Variants in CCDC122 observed in about 807,000 individuals in gnomAD.
The protein encoded by CCDC122 is coiled-coil domain containing 122.
CCDC122 carries 38 observed loss-of-function variants against 37.0 expected under a neutral mutation model. That is an observed-to-expected ratio of 1.03 (90% CI 0.79 to 1.35). The LOEUF (loss-of-function observed/expected upper bound fraction) is 1.35. Among genes scored for constraint, CCDC122 ranks in the 40% most tolerant of loss-of-function variants. The pLI, the probability that CCDC122 is intolerant of heterozygous loss-of-function variation, is 0.00. For missense variants in CCDC122, 305 were observed against 310.0 expected, an observed-to-expected ratio of 0.98 and a Z score of 0.12; for synonymous variants, 83 against 95.6, an observed-to-expected ratio of 0.87 and a Z score of 0.77.
At chr13:43,831,034 G>C (rs1953084358) in intron 3 of CCDC122, among the ~76,000 whole-genome samples, 1 of 152,168 alleles carries the variant, frequency 6.6e-6, no homozygotes, top group African/African-American at 2.4e-5. Flanking sequence ...TGGAAGGTTA[G>C]AATAAGGATG....
At chr13:43,856,696 GGA>G (rs1377515051) in intron 6 of CCDC122, 2 of 152,110 alleles carry the variant, frequency 1.3e-5, no homozygotes, top group Non-Finnish European at 2.9e-5. Context: ...CTTTGTTGCA[GGA>G]TATCTGACAA....
intron 3 of CCDC122, among the ~76,000 whole-genome samples, chr13:43,828,125 T>C (rs1403578242): frequency 1.3e-5 from 2 of 152,312 alleles, no homozygotes; most frequent in Middle Eastern, 6.8e-3. Context: ...TCTGACTTTT[T>C]AGAAGAGGCA....
At chr13:43,873,183 A>T (rs1954501577) in intron 2 of CCDC122, among the ~76,000 whole-genome samples, 2 of 152,004 alleles carry the variant, frequency 1.3e-5, no homozygotes, top group Non-Finnish European at 2.9e-5. Context: ...CTTATTCTAC[A>T]TGTGATGCCA....
At chr13:43,839,339 T>C (rs1656582253) in intron 6 of CCDC122, among the ~76,000 whole-genome samples, 1 of 152,242 alleles carries the variant, frequency 6.6e-6, no homozygotes, top group African/African-American at 2.4e-5. Context: ...AATGGAATTG[T>C]ACAATAGGTG....
At chr13:43,860,955 A>G (rs993467414) in intron 4 of CCDC122, among the ~76,000 whole-genome samples, 3 of 152,202 alleles carry the variant, frequency 2.0e-5, no homozygotes, top group Non-Finnish European at 4.4e-5. Context: ...ACAAAACCTC[A>G]GTAGCATACA....
intron 6 of CCDC122, among the ~76,000 whole-genome samples, chr13:43,840,088 C>T (rs965115849): frequency 4.6e-5 from 7 of 152,156 alleles, no homozygotes; most frequent in Admixed American, 2.6e-4. Context: ...CAACACTCAG[C>T]TGTTGTTACA....
downstream of CCDC122, among the ~76,000 whole-genome samples, chr13:43,821,297 C>T (rs1328899451): frequency 6.6e-6 from 1 of 152,178 alleles, no homozygotes; most frequent in Non-Finnish European, 1.5e-5. Flanking sequence ...AATCTTGGCT[C>T]ACTGCAACCT....
chr13:43,857,000 T>G (rs987700839), intron 6 of CCDC122, among the ~76,000 whole-genome samples: 1 of 152,232 alleles, frequency 6.6e-6, no homozygotes, highest in Non-Finnish European at 1.5e-5. Context: ...AAAGTGCTTT[T>G]AGCAATTTAC....
chr13:43,836,101 C>A (rs1051015399), downstream of CCDC122, among the ~76,000 whole-genome samples: 3 of 152,192 alleles, frequency 2.0e-5, no homozygotes, highest in Non-Finnish European at 4.4e-5. Context: ...TTTTTTGATG[C>A]TGTTTGAAAT....
chr13:43,865,434 G>GA (rs1954246290), intron 4 of CCDC122, among the ~76,000 whole-genome samples: 2 of 151,926 alleles, frequency 1.3e-5, no homozygotes, highest in Admixed American at 1.3e-4. Context: ...CTGAAACCAT[G>GA]GACAGTACTG....
intron 3 of CCDC122, among the ~76,000 whole-genome samples, chr13:43,825,193 C>T (rs1594808576): frequency 6.6e-6 from 1 of 152,264 alleles, no homozygotes; most frequent in East Asian, 1.9e-4. Flanking sequence ...AAATGTGGTA[C>T]ATATACACCA....
chr13:43,864,177 T>G (rs944137843), intron 4 of CCDC122, among the ~76,000 whole-genome samples: 7 of 152,166 alleles, frequency 4.6e-5, no homozygotes, highest in African/African-American at 1.7e-4. Flanking sequence ...CTGGGCACTT[T>G]AGTTTGTTCC....
downstream of CCDC122, among the ~76,000 whole-genome samples, chr13:43,834,837 T>C (rs1221521295): frequency 2.6e-5 from 4 of 151,870 alleles, no homozygotes; most frequent in Non-Finnish European, 5.9e-5. Context: ...TGTGGAGAAA[T>C]AGGAACACTT....
chr13:43,835,839 C>T (rs1044858605), downstream of CCDC122, among the ~76,000 whole-genome samples: 11 of 152,106 alleles, frequency 7.2e-5, no homozygotes, highest in African/African-American at 2.2e-4. Context: ...TATCTCCAGC[C>T]GAGTATAGTG....
chr13:43,840,830 G>C (rs1355078986), intron 6 of CCDC122, among the ~76,000 whole-genome samples: 1 of 151,350 alleles, frequency 6.6e-6, no homozygotes, highest in Non-Finnish European at 1.5e-5. Context: ...TGTGAATAGT[G>C]CTGCAATAAA....
At chr13:43,826,751 T>C (rs560119922) in intron 3 of CCDC122, among the ~76,000 whole-genome samples, 1 of 152,256 alleles carries the variant, frequency 6.6e-6, no homozygotes, top group African/African-American at 2.4e-5. Flanking sequence ...AATAATTTAA[T>C]AGACACAGAA....
chr13:43,861,683 C>G (rs9590797), intron 4 of CCDC122, among the ~76,000 whole-genome samples: 8 of 152,184 alleles, frequency 5.3e-5, no homozygotes, highest in Non-Finnish European at 1.0e-4. Context: ...GGTAAGTTCA[C>G]TGAAAAATAC....
chr13:43,868,811 T>C lies in CCDC122; in HGVS notation c.47-8A>G. ...AACTTGTGTCTTGGTTATCTACAAT[T>C]AGACAAAAGAATAAAGTATATAATA... On this transcript the variant is annotated splice_region_variant and splice_polypyrimidine_tract_variant and intron_variant, in intron 3 of 6. Transcript: ENST00000444614. 1 of 1,361,558 alleles carries C rather than the reference T, an allele frequency of 7.3e-7. No homozygotes were observed. Among genetic ancestry groups the C allele is most frequent in the African/African-American group, 1.5e-5 (1 of 66,580 alleles). 84.3% of individuals were successfully genotyped at this position (1,361,558 alleles called of 1,614,324 possible).
rs1440111029 is a variant in CCDC122 at position 43,873,848 on chromosome 13, G to A, written c.-114+994C>T. Among the ~76,000 whole-genome samples, 20 of 152,064 alleles carry A rather than the reference G, an allele frequency of 1.3e-4. No individual in the cohort carries two copies. The East Asian group carries it at 3.7e-3, about 28-fold the overall frequency. On this transcript the variant is annotated intron_variant, in intron 2 of 6. Coordinates refer to ENST00000444614, the MANE Select transcript of CCDC122 (RefSeq NM_144974.5). ...CTATTACCACCGACATCTCATACAC[G>A]TCTTTTCCATATCCTTCTACTAATG...
Sources: gnomAD v4.1 joint callset for allele counts (sites outside exome capture counted in the v4.1 genomes callset) on GRCh38, gnomAD v4.1.1 for gene constraint, MANE v1.5 for transcripts, NCBI Gene and HGNC (gene_info 2026-07-23, HGNC 2026-07-21) for gene names.